Variants in ZDHHC15 observed in about 807,000 individuals in gnomAD.
ZDHHC15 encodes the protein palmitoyltransferase ZDHHC15.
A neutral mutation model predicts 31.7 loss-of-function variants in ZDHHC15; 19 were observed. The observed-to-expected ratio is 0.60, with a 90% CI of 0.42 to 0.88. The LOEUF (loss-of-function observed/expected upper bound fraction) is 0.88, where lower values mean the gene tolerates loss of function less well. Among genes scored for constraint, ZDHHC15 ranks in the 40% least tolerant of loss-of-function variants. The pLI is 0.00. For missense variants in ZDHHC15, 209 were observed against 251.2 expected (o/e 0.83, Z 1.14); for synonymous variants, 103 against 90.0 (o/e 1.14, Z -0.82).
intron 4 of ZDHHC15, among the ~76,000 whole-genome samples, chrX:75,441,449 G>C (rs2083938926): frequency 9.0e-6 from 1 of 111,029 alleles, no homozygotes; most frequent in Non-Finnish European, 1.9e-5. Context: ...CCCACAATCA[G>C]AATTTTTAGA....
At chrX:75,427,754 A>T (rs2083731900) in intron 7 of ZDHHC15, among the ~76,000 whole-genome samples, 1 of 111,526 alleles carries the variant, frequency 9.0e-6, no homozygotes, top group Non-Finnish European at 1.9e-5. Context: ...TTTGTAGAAA[A>T]ATTTATGAAA....
chrX:75,416,134 T>G (rs1252853981), intron 10 of ZDHHC15, among the ~76,000 whole-genome samples: 2 of 112,028 alleles, frequency 1.8e-5, no homozygotes, highest in African/African-American at 6.5e-5. Flanking sequence ...CTTTTTTATC[T>G]ATGGATTTGT....
chrX:75,459,213 C>A (rs2084274062), intron 3 of ZDHHC15, among the ~76,000 whole-genome samples: 1 of 110,398 alleles, frequency 9.1e-6, no homozygotes, highest in African/African-American at 3.3e-5. Context: ...AGGAGTTTTA[C>A]ATACTCCAGC....
chrX:75,471,804 G>A (rs1181186126), intron 3 of ZDHHC15, among the ~76,000 whole-genome samples: 1 of 111,832 alleles, frequency 8.9e-6, no homozygotes, highest in Non-Finnish European at 1.9e-5. Flanking sequence ...GGCAGATAGG[G>A]ATGCTGTTTG....
At chrX:75,407,414 G>A (rs377698338) in intron 10 of ZDHHC15, among the ~76,000 whole-genome samples, 5 of 108,486 alleles carry the variant, frequency 4.6e-5, no homozygotes, top group East Asian at 3.0e-4. Flanking sequence ...CCCCCACCCA[G>A]CCAGCTGCCC....
At chrX:75,384,895 G>T (rs2083163876) in intron 10 of ZDHHC15, 2 of 486,397 alleles carry the variant, frequency 4.1e-6, no homozygotes, top group Non-Finnish European at 7.2e-6. Flanking sequence ...AATTGACTAA[G>T]ATTAAAGACT....
intron 4 of ZDHHC15, among the ~76,000 whole-genome samples, chrX:75,433,639 AT>A (rs1357237213): frequency 9.4e-6 from 1 of 106,643 alleles, no homozygotes; most frequent in African/African-American, 3.5e-5. Flanking sequence ...AGTAGTGTAT[AT>A]TTTTTATGGC....
At chrX:75,384,082 T>C (rs2083154023) in intron 10 of ZDHHC15, among the ~76,000 whole-genome samples, 1 of 111,159 alleles carries the variant, frequency 9.0e-6, no homozygotes, top group South Asian at 3.8e-4. Context: ...CTTTTTCCTA[T>C]TATATACTTG....
intron 8 of ZDHHC15, among the ~76,000 whole-genome samples, chrX:75,424,445 T>TA (rs904743871): frequency 4.5e-5 from 5 of 111,411 alleles, no homozygotes; most frequent in Non-Finnish European, 7.5e-5. Flanking sequence ...GGGGTTTCAT[T>TA]AAAAAATATT....
In ZDHHC15 at chrX:75,407,616, C is replaced by T. The variant is rs777383794; in HGVS notation, c.967+9471G>A. 1.9e-4 allele frequency among the ~76,000 whole-genome samples: 18 copies of T among 93,973 alleles called. No individual in the cohort carries two copies. The South Asian group carries it at 2.8e-3, about 15-fold the overall frequency. The allele number at this position is 93,973 out of a possible 115,157, so 81.6% of individuals were successfully genotyped here. ...TGGGGGACAGCCCCCACCCAGCAGC[C>T]GCCCCGTCTGGGAGGTGGGGGGCGC... On this transcript the variant is annotated intron_variant, in intron 10 of 11. Transcript: ENST00000373367.
At position 75,406,196 on chromosome X, in the gene ZDHHC15, G is replaced by A. The variant is rs183499888; in HGVS notation, c.967+10891C>T. 1.2e-4 allele frequency among the ~76,000 whole-genome samples: 13 copies of A among 110,947 alleles called. No homozygotes were observed. In the East Asian group the frequency reaches 3.7e-3, roughly 31 times the overall value. ...AACATACTAAAATCTATAGGACACAGCAAAGCAGTACTAAAAGGGAAGTTT... is the reference window on the plus strand; with the variant it reads ...AACATACTAAAATCTATAGGACACAACAAAGCAGTACTAAAAGGGAAGTTT... On this transcript the variant is annotated intron_variant, in intron 10 of 11. Coordinates refer to ENST00000373367, the MANE Select transcript of ZDHHC15 (RefSeq NM_144969.3).
chrX:75,383,632 T>C (rs1057111529), intron 10 of ZDHHC15, among the ~76,000 whole-genome samples: 2 of 111,122 alleles, frequency 1.8e-5, no homozygotes, highest in Non-Finnish European at 3.8e-5. Flanking sequence ...ACTTTATAGT[T>C]CTATTCATTT....
chrX:75,486,764 T>TA (rs1556032285), intron 2 of ZDHHC15, among the ~76,000 whole-genome samples: 1 of 108,945 alleles, frequency 9.2e-6, no homozygotes, highest in African/African-American at 3.4e-5. Context: ...ACAGCCATAA[T>TA]CCCCTGGGAA....
intron 10 of ZDHHC15, among the ~76,000 whole-genome samples, chrX:75,383,072 A>T (rs1425891848): frequency 1.8e-5 from 2 of 111,681 alleles, no homozygotes; most frequent in African/African-American, 6.5e-5. Flanking sequence ...TGAAAGGTAA[A>T]CAGGAACAAA....
At chrX:75,446,199 C>T (rs991074889) in intron 4 of ZDHHC15, among the ~76,000 whole-genome samples, 8 of 111,939 alleles carry the variant, frequency 7.1e-5, no homozygotes, top group Non-Finnish European at 1.5e-4. Flanking sequence ...TAGGGGCCTA[C>T]TATGCAGAGA....
intron 1 of ZDHHC15, among the ~76,000 whole-genome samples, chrX:75,509,191 T>G (rs967029423): frequency 2.7e-4 from 30 of 111,246 alleles, no homozygotes; most frequent in African/African-American, 9.8e-4. Context: ...AAACTAAAGA[T>G]CTTCTGCACA....
chrX:75,420,970 A>T (rs1303034609), intron 9 of ZDHHC15, among the ~76,000 whole-genome samples: 1 of 110,553 alleles, frequency 9.0e-6, no homozygotes, highest in East Asian at 2.8e-4. Context: ...AATTACCTAC[A>T]ACCTCAAATT....
intron 2 of ZDHHC15, among the ~76,000 whole-genome samples, chrX:75,490,784 T>A (rs2084872819): frequency 8.9e-6 from 1 of 111,732 alleles, no homozygotes; most frequent in African/African-American, 3.3e-5. Context: ...ATGATTTGGC[T>A]CTCTGTTTGT....
At chrX:75,473,068 G>A (rs944806036) in intron 3 of ZDHHC15, among the ~76,000 whole-genome samples, 1 of 111,848 alleles carries the variant, frequency 8.9e-6, no homozygotes, top group Non-Finnish European at 1.9e-5. Flanking sequence ...CCACCATCAC[G>A]GTAATCCACA....
Sources: allele counts gnomAD v4.1 joint callset (sites outside exome capture counted in the v4.1 genomes callset), GRCh38; gene constraint gnomAD v4.1.1; transcripts MANE v1.5; gene names NCBI Gene and HGNC (gene_info 2026-07-23, HGNC 2026-07-21).